The following ERC2 variants were observed in gnomAD, a reference collection of about 807,000 sequenced individuals.
The protein encoded by ERC2 is ERC protein 2.
Under a neutral mutation model 114.8 loss-of-function variants are expected in ERC2, and 42 were observed. The observed-to-expected ratio is 0.37, with a 90% CI of 0.29 to 0.47. ERC2 has a LOEUF of 0.47. ERC2 is among the 20% of genes least tolerant of loss of function. The pLI is 0.99. For synonymous variants in ERC2, 454 were observed against 425.5 expected (o/e 1.07, Z -0.82); for missense variants, 939 against 1,150.7 (o/e 0.82, Z 2.66).
At chr3:55,898,340 G>T (rs961556345) in intron 13 of ERC2, among the ~76,000 whole-genome samples, 2 of 152,108 alleles carry the variant, frequency 1.3e-5, no homozygotes, top group African/African-American at 4.8e-5. Context: ...TCACAGTTCT[G>T]CAGTGTGGCA....
chr3:56,165,812 C>G (rs1219129814), intron 4 of ERC2, among the ~76,000 whole-genome samples: 1 of 151,812 alleles, frequency 6.6e-6, no homozygotes, highest in Non-Finnish European at 1.5e-5. Flanking sequence ...ATTTACTAAT[C>G]TAATATTGTA....
At chr3:55,684,183 A>G (rs541938995) in intron 16 of ERC2, among the ~76,000 whole-genome samples, 3 of 152,320 alleles carry the variant, frequency 2.0e-5, no homozygotes, top group African/African-American at 2.4e-5. Flanking sequence ...AAAGCATGCA[A>G]TCTGAATTGC....
chr3:55,647,977 T>C (rs995160478), intron 17 of ERC2, among the ~76,000 whole-genome samples: 7 of 152,142 alleles, frequency 4.6e-5, no homozygotes, highest in African/African-American at 1.2e-4. Context: ...GGCAGCTGCA[T>C]GCCCCGCAAT....
intron 4 of ERC2, among the ~76,000 whole-genome samples, chr3:56,155,589 C>T (rs916553699): frequency 1.3e-5 from 2 of 151,806 alleles, no homozygotes; most frequent in African/African-American, 4.8e-5. Context: ...AAAGGTAATG[C>T]CAAAATATGT....
At chr3:55,910,699 C>G (rs1397500107) in intron 13 of ERC2, among the ~76,000 whole-genome samples, 2 of 152,154 alleles carry the variant, frequency 1.3e-5, no homozygotes, top group Non-Finnish European at 2.9e-5. Context: ...TCTCACAGCA[C>G]CCTGTTGAGT....
chr3:55,724,831 C>T (rs1214067212), intron 15 of ERC2, among the ~76,000 whole-genome samples: 2 of 152,192 alleles, frequency 1.3e-5, no homozygotes, highest in African/African-American at 4.8e-5. Flanking sequence ...TCCCTGGTGG[C>T]CAACATCTTG....
At chr3:56,379,295 T>A (rs953272455) in intron 2 of ERC2, among the ~76,000 whole-genome samples, 1 of 152,114 alleles carries the variant, frequency 6.6e-6, no homozygotes, top group Non-Finnish European at 1.5e-5. Flanking sequence ...TTATTACTTA[T>A]GAAGATAGCT....
chr3:55,647,827 A>T (rs917999684), intron 17 of ERC2, among the ~76,000 whole-genome samples: 1 of 152,214 alleles, frequency 6.6e-6, no homozygotes, highest in African/African-American at 2.4e-5. Context: ...TGAGAAACTC[A>T]GCGATGAAGG....
intron 17 of ERC2, among the ~76,000 whole-genome samples, chr3:55,564,517 G>T (rs576998885): frequency 2.0e-5 from 3 of 152,278 alleles, no homozygotes; most frequent in South Asian, 4.1e-4. Context: ...CACATTGCAG[G>T]ATTCTTGTGA....
At chr3:55,789,594 C>A (rs1457737182) in intron 14 of ERC2, among the ~76,000 whole-genome samples, 1 of 152,164 alleles carries the variant, frequency 6.6e-6, no homozygotes, top group Non-Finnish European at 1.5e-5. Flanking sequence ...AAAGAAAATA[C>A]TTCATGTGCA....
At chr3:56,187,643 T>C (rs1010612944) in intron 3 of ERC2, among the ~76,000 whole-genome samples, 6 of 152,164 alleles carry the variant, frequency 3.9e-5, no homozygotes, top group African/African-American at 7.2e-5. Flanking sequence ...GCTACCACCA[T>C]GAGGCTTACT....
intron 17 of ERC2, among the ~76,000 whole-genome samples, chr3:55,554,740 C>A (rs1407558577): frequency 2.6e-5 from 4 of 152,212 alleles, no homozygotes; most frequent in Admixed American, 1.3e-4. Flanking sequence ...TCCCCCCTTC[C>A]CCGTGCTGCA....
intron 6 of ERC2, among the ~76,000 whole-genome samples, chr3:56,103,106 C>G (rs1413290565): frequency 2.0e-5 from 3 of 151,914 alleles, no homozygotes; most frequent in Non-Finnish European, 4.4e-5. Flanking sequence ...AGAGAGCTTC[C>G]TGGAGGAAGG....
intron 3 of ERC2, among the ~76,000 whole-genome samples, chr3:56,283,531 T>G (rs2150327161): frequency 6.6e-6 from 1 of 152,380 alleles, no homozygotes; most frequent in East Asian, 1.9e-4. Context: ...TCTTCTTTGC[T>G]GTGTGGACTC....
At chr3:55,588,436 T>G (rs554212526) in intron 17 of ERC2, among the ~76,000 whole-genome samples, 1 of 152,142 alleles carries the variant, frequency 6.6e-6, no homozygotes, top group Admixed American at 6.5e-5. Flanking sequence ...AAAGACAACT[T>G]TCCACTTAGG....
At position 55,693,869 on chromosome 3, in the gene ERC2, C is replaced by T. The variant is rs566729213; in HGVS notation, c.2847+5509G>A. The stretch of plus-strand genomic sequence containing the variant: ...GATTACAGGCACTCACCACCACACC[C>T]GGCTAATTTTTGTATTTTTAGTAGA... On this transcript the variant is annotated intron_variant, in intron 16 of 17. Transcript: ENST00000288221. 9.2e-5 allele frequency among the ~76,000 whole-genome samples: 14 copies of T among 152,014 alleles called. No individual in the cohort carries two copies. The South Asian group carries it at 2.1e-3, about 23-fold the overall frequency.
intron 3 of ERC2, among the ~76,000 whole-genome samples, chr3:56,182,223 AT>A (rs1388065752): frequency 6.6e-6 from 1 of 152,152 alleles, no homozygotes. Context: ...CATGGCCACA[AT>A]TTTACACTAA....
At chr3:56,196,593 A>G (rs2048121114) in intron 3 of ERC2, among the ~76,000 whole-genome samples, 2 of 151,672 alleles carry the variant, frequency 1.3e-5, no homozygotes, top group African/African-American at 4.9e-5. Context: ...TTTAAAAACC[A>G]TCAACCTGTC....
intron 3 of ERC2, among the ~76,000 whole-genome samples, chr3:56,193,231 T>C (rs1490646329): frequency 1.3e-5 from 2 of 152,200 alleles, no homozygotes; most frequent in Middle Eastern, 3.4e-3. Flanking sequence ...AGAATATATA[T>C]CAAACTGTGT....
Sources: allele counts gnomAD v4.1 joint callset (sites outside exome capture counted in the v4.1 genomes callset), GRCh38; gene constraint gnomAD v4.1.1; transcripts MANE v1.5; gene names NCBI Gene and HGNC (gene_info 2026-07-23, HGNC 2026-07-21).